The following EYS variants were observed in gnomAD, a reference collection of about 807,000 sequenced individuals.
EYS encodes the protein protein eyes shut homolog.
Under a neutral mutation model 282.1 loss-of-function variants are expected in EYS, and 250 were observed. That is an observed-to-expected ratio of 0.89 (90% CI 0.80 to 0.98). EYS has a LOEUF of 0.98. Ranked by LOEUF, EYS falls within the 50% of genes least tolerant of loss-of-function variation. The probability of loss-of-function intolerance (pLI) is 0.00; values close to 1 mark genes in which losing one functional copy is unlikely to be tolerated. For synonymous variants in EYS, 1,355 were observed against 1,282.9 expected (o/e 1.06, Z -1.20); for missense variants, 4,016 against 3,709.0 (o/e 1.08, Z -2.15).
intron 35 of EYS, among the ~76,000 whole-genome samples, chr6:63,936,220 T>C (rs1765052310): frequency 6.6e-6 from 1 of 152,230 alleles, no homozygotes; most frequent in Non-Finnish European, 1.5e-5. Context: ...GAGTCTATTA[T>C]GGGCTGAATT....
chr6:64,851,314 G>A (rs9345557), intron 19 of EYS, among the ~76,000 whole-genome samples: 23,159 of 151,840 alleles, frequency 0.15, 2,000 homozygotes, highest in East Asian at 0.43. Flanking sequence ...CCTTTGTTTC[G>A]TGATTTTTTT....
At chr6:63,980,832 T>C (rs1767055166) in intron 35 of EYS, among the ~76,000 whole-genome samples, 1 of 151,388 alleles carries the variant, frequency 6.6e-6, no homozygotes, top group Admixed American at 6.6e-5. Context: ...TGGAAGAGAG[T>C]AGAAGATTTT....
rs963762877 is a variant in EYS at position 65,615,735 on chromosome 6, T to C, written c.-333+24043A>G. Among the ~76,000 whole-genome samples, 7 of 151,836 alleles carry C rather than the reference T, an allele frequency of 4.6e-5. No homozygotes were observed. The South Asian group carries it at 1.0e-3, about 23-fold the overall frequency. On this transcript the variant is annotated intron_variant, in intron 2 of 42. Coordinates refer to ENST00000503581, the MANE Select transcript of EYS (RefSeq NM_001142800.2). ...AGATCATGAGGTCAGGAGATCAAAG[T>C]CAACCTGGCTAACACGGTGAAACCC...
chr6:64,179,382 A>G (rs946131707), intron 31 of EYS, among the ~76,000 whole-genome samples: 12 of 152,126 alleles, frequency 7.9e-5, no homozygotes, highest in African/African-American at 2.9e-4. Flanking sequence ...CCAATTTTAA[A>G]TCACAGTATA....
At chr6:64,255,547 AT>A in intron 30 of EYS, among the ~76,000 whole-genome samples, 1 of 152,180 alleles carries the variant, frequency 6.6e-6, no homozygotes, top group South Asian at 2.1e-4. Flanking sequence ...AGTTCAAGAC[AT>A]TTTGATTTGT....
At position 65,258,128 on chromosome 6, in the gene EYS, T is replaced by C. The variant is rs150774823; in HGVS notation, c.2023+37735A>G. ...GTACCCTGTAAATATATACATCTAA[T>C]ATATACCCATAAAAATTTAAATAAA... is the stretch of plus-strand genomic sequence containing the variant. On this transcript the variant is annotated intron_variant, in intron 12 of 42. Transcript: ENST00000503581. 6.5e-3 allele frequency among the ~76,000 whole-genome samples: 982 copies of C among 152,080 alleles called. 11 individuals carry two copies. The highest frequency in any genetic ancestry group is 0.022 in the African/African-American group (933 of 41,518).
intron 14 of EYS, among the ~76,000 whole-genome samples, chr6:64,983,243 T>G (rs1313052699): frequency 6.6e-6 from 1 of 151,172 alleles, no homozygotes; most frequent in Admixed American, 6.6e-5. Flanking sequence ...CTAGACAGAA[T>G]AATGTACAAT....
chr6:64,040,900 G>A (rs1770359567), intron 33 of EYS, among the ~76,000 whole-genome samples: 1 of 152,106 alleles, frequency 6.6e-6, no homozygotes, highest in Non-Finnish European at 1.5e-5. Context: ...ACTGGTATAA[G>A]GGGGAAAAAT....
chr6:64,096,753 G>A (rs992681125), intron 31 of EYS, among the ~76,000 whole-genome samples: 5 of 152,100 alleles, frequency 3.3e-5, no homozygotes, highest in Admixed American at 3.3e-4. Context: ...CTCTCAATTC[G>A]TCAAAGTCAT....
In EYS at chr6:64,389,116, CAAT is replaced by C. The variant is rs201733159; in HGVS notation, c.5928-279_5928-277del. ...AGATCTTTCTCAATTGTAACTGAAA[CAAT>C]GATGGATTATAATATTCCATTTTAG... On this transcript the variant is annotated intron_variant, in intron 28 of 42. Coordinates refer to ENST00000503581, the MANE Select transcript of EYS (RefSeq NM_001142800.2). Among the ~76,000 whole-genome samples, 1,383 of 152,120 alleles carry C rather than the reference CAAT, an allele frequency of 9.1e-3. 11 individuals carry two copies. Among genetic ancestry groups the C allele is most frequent in the African/African-American group, 0.025 (1,049 of 41,494 alleles).
rs544644257 is a variant in EYS at position 64,449,837 on chromosome 6, A to T, written c.5645-10485T>A. Among the ~76,000 whole-genome samples the T allele has an allele frequency of 2.6e-5, 4 of 152,328 alleles. No homozygotes were observed. In the East Asian group the frequency reaches 7.7e-4, roughly 29 times the overall value. On this transcript the variant is annotated intron_variant, in intron 26 of 42. Coordinates refer to ENST00000503581, the MANE Select transcript of EYS (RefSeq NM_001142800.2). ...ATTTTGTCACCACCAGACCTGCCCT[A>T]AAAGAGCTCCTGAAGGAAGCACTAA...
intron 40 of EYS, among the ~76,000 whole-genome samples, chr6:63,772,168 T>G (rs898814553): frequency 2.3e-5 from 3 of 131,336 alleles, no homozygotes; most frequent in African/African-American, 8.2e-5. Context: ...AAAAGAAAGA[T>G]TTTTTTTTTT....
intron 26 of EYS, among the ~76,000 whole-genome samples, chr6:64,574,371 C>T (rs1765817810): frequency 2.0e-5 from 3 of 152,070 alleles, no homozygotes; most frequent in Admixed American, 1.3e-4. Flanking sequence ...ACTTGTATAC[C>T]TATGTAATAA....
intron 22 of EYS, among the ~76,000 whole-genome samples, chr6:64,633,314 C>T (rs891580933): frequency 1.3e-5 from 2 of 152,080 alleles, no homozygotes; most frequent in Non-Finnish European, 2.9e-5. Context: ...GAATGAAACT[C>T]AAAGTAGTTC....
chr6:65,394,350 G>T (rs1464453180), intron 7 of EYS, among the ~76,000 whole-genome samples: 1 of 152,042 alleles, frequency 6.6e-6, no homozygotes, highest in East Asian at 1.9e-4. Context: ...TGGGAAGTAT[G>T]GTGGAGAATT....
chr6:65,524,706 G>T (rs1045815075), intron 2 of EYS, among the ~76,000 whole-genome samples: 3 of 152,186 alleles, frequency 2.0e-5, no homozygotes, highest in African/African-American at 7.2e-5. Flanking sequence ...AATCAATGTT[G>T]TGTGAAATAC....
At chr6:65,486,088 T>C (rs1360538930) in intron 5 of EYS, among the ~76,000 whole-genome samples, 3 of 152,162 alleles carry the variant, frequency 2.0e-5, no homozygotes, top group Non-Finnish European at 4.4e-5. Context: ...TGATCAAATA[T>C]AGAAAAATGT....
At chr6:65,587,298 A>T (rs1251302968) in intron 2 of EYS, among the ~76,000 whole-genome samples, 1 of 152,088 alleles carries the variant, frequency 6.6e-6, no homozygotes, top group Non-Finnish European at 1.5e-5. Context: ...GATATGGTTC[A>T]GTTGTGTCCC....
intron 12 of EYS, among the ~76,000 whole-genome samples, chr6:65,060,884 C>T (rs1357321809): frequency 1.3e-5 from 2 of 150,816 alleles, no homozygotes; most frequent in African/African-American, 4.9e-5. Context: ...CTTAGAATAG[C>T]TACTGTCTGA....
Sources: gnomAD v4.1 joint callset for allele counts (sites outside exome capture counted in the v4.1 genomes callset) on GRCh38, gnomAD v4.1.1 for gene constraint, MANE v1.5 for transcripts, NCBI Gene and HGNC (gene_info 2026-07-23, HGNC 2026-07-21) for gene names.